The following RASAL2 variants were observed in gnomAD, a reference collection of about 807,000 sequenced individuals.
RASAL2 encodes RAS protein activator like 2, also known as ras GTPase-activating protein nGAP.
A neutral mutation model predicts 128.9 loss-of-function variants in RASAL2; 58 were observed. That is an observed-to-expected ratio of 0.45 (90% CI 0.36 to 0.56). The LOEUF (loss-of-function observed/expected upper bound fraction) is 0.56. RASAL2 is among the 20% of genes least tolerant of loss of function. The pLI is 0.00. For synonymous variants in RASAL2, 561 were observed against 580.8 expected (o/e 0.97, Z 0.49); for missense variants, 1,360 against 1,601.6 (o/e 0.85, Z 2.57).
chr1:178,159,297 T>C (rs1376682711), intron 1 of RASAL2, among the ~76,000 whole-genome samples: 1 of 152,156 alleles, frequency 6.6e-6, no homozygotes, highest in Non-Finnish European at 1.5e-5. Context: ...GCGAATGAGG[T>C]GATAACACCG....
chr1:178,303,349 G>A (rs574106798), intron 3 of RASAL2, among the ~76,000 whole-genome samples: 2 of 151,900 alleles, frequency 1.3e-5, no homozygotes, highest in Non-Finnish European at 2.9e-5. Flanking sequence ...GATAAAGAAA[G>A]ATTTCTTAAG....
At chr1:178,097,533 C>T (rs1372885405) in intron 1 of RASAL2, among the ~76,000 whole-genome samples, 2 of 152,126 alleles carry the variant, frequency 1.3e-5, no homozygotes, top group Non-Finnish European at 2.9e-5. Flanking sequence ...GGAATGTTTT[C>T]ACAAGATAGG....
chr1:178,412,378 G>A (rs1277970354), intron 4 of RASAL2, among the ~76,000 whole-genome samples: 1 of 152,190 alleles, frequency 6.6e-6, no homozygotes, highest in African/African-American at 2.4e-5. Flanking sequence ...GCTAGGTAAA[G>A]TCCAGCTACC....
intron 6 of RASAL2, among the ~76,000 whole-genome samples, chr1:178,440,024 T>G (rs536813199): frequency 7.2e-6 from 1 of 139,636 alleles, no homozygotes; most frequent in Admixed American, 7.2e-5. Flanking sequence ...TTCCAGGACA[T>G]TTTGACCTAA....
At chr1:178,400,446 C>T (rs61813848) in intron 4 of RASAL2, among the ~76,000 whole-genome samples, 1 of 152,088 alleles carries the variant, frequency 6.6e-6, no homozygotes, top group African/African-American at 2.4e-5. Context: ...TGTCCTTCCA[C>T]GGGAGTGTAC....
At chr1:178,248,371 A>C (rs774879584) in intron 1 of RASAL2, among the ~76,000 whole-genome samples, 2 of 152,044 alleles carry the variant, frequency 1.3e-5, no homozygotes, top group Non-Finnish European at 2.9e-5. Context: ...AGTCTGTTTT[A>C]TCAGGGACTA....
chr1:178,431,247 T>G (rs1675877891), intron 5 of RASAL2, among the ~76,000 whole-genome samples: 1 of 152,108 alleles, frequency 6.6e-6, no homozygotes, highest in Non-Finnish European at 1.5e-5. Flanking sequence ...TACATATCAG[T>G]TAATTTTAAC....
intron 9 of RASAL2, among the ~76,000 whole-genome samples, chr1:178,450,167 T>C (rs1677276484): frequency 6.6e-6 from 1 of 152,174 alleles, no homozygotes; most frequent in Non-Finnish European, 1.5e-5. Context: ...TATTCAAAAG[T>C]TGCATGATTT....
At chr1:178,463,808 A>G (rs985316940) in intron 14 of RASAL2, among the ~76,000 whole-genome samples, 1 of 152,180 alleles carries the variant, frequency 6.6e-6, no homozygotes, top group Non-Finnish European at 1.5e-5. Context: ...GAGTTTGTTT[A>G]GCACTAATCA....
chr1:178,388,431 A>C (rs1409110550), intron 3 of RASAL2, among the ~76,000 whole-genome samples: 1 of 152,230 alleles, frequency 6.6e-6, no homozygotes, highest in African/African-American at 2.4e-5. Flanking sequence ...ACAGCTTTGC[A>C]CATTAAGGCT....
chr1:178,258,293 C>CA (rs993642772), intron 1 of RASAL2, among the ~76,000 whole-genome samples: 9,540 of 69,080 alleles, frequency 0.14, 655 homozygotes, highest in African/African-American at 0.28. Context: ...GACTGCATCT[C>CA]AAAAAAAAAA....
At chr1:178,432,787 C>A (rs1384944418) in intron 5 of RASAL2, among the ~76,000 whole-genome samples, 1 of 152,076 alleles carries the variant, frequency 6.6e-6, no homozygotes, top group Non-Finnish European at 1.5e-5. Flanking sequence ...TACTTCTTCC[C>A]CATATCTGTT....
At chr1:178,403,284 A>G (rs1673768629) in intron 4 of RASAL2, among the ~76,000 whole-genome samples, 1 of 152,142 alleles carries the variant, frequency 6.6e-6, no homozygotes, top group Non-Finnish European at 1.5e-5. Context: ...TTATTTCCGT[A>G]CTTTCTTGAG....
At chr1:178,195,857 TATAATC>T (rs1662642657) in intron 1 of RASAL2, among the ~76,000 whole-genome samples, 2 of 152,234 alleles carry the variant, frequency 1.3e-5, no homozygotes, top group South Asian at 2.1e-4. Flanking sequence ...AGGCTGTTAT[TATAATC>T]ATAAAAGGAT....
intron 4 of RASAL2, among the ~76,000 whole-genome samples, chr1:178,402,852 G>A (rs111573584): frequency 5.3e-5 from 8 of 151,814 alleles, no homozygotes; most frequent in Admixed American, 2.0e-4. Flanking sequence ...CATCTAGTCC[G>A]TCTCCCCTGA....
chr1:178,298,875 T>C lies in RASAL2; in HGVS notation c.331-1117T>C, dbSNP rs183230675. 1.1e-3 allele frequency among the ~76,000 whole-genome samples: 166 copies of C among 151,638 alleles called. 1 individual carries two copies. Among genetic ancestry groups the C allele is most frequent in the African/African-American group, 3.7e-3 (155 of 41,344 alleles). On this transcript the variant is annotated intron_variant, in intron 2 of 17. Transcript: ENST00000367649. ...AATTCTTAATTCTGATAAAAGCTAC[T>C]AGTAAAATCTCATTACTGAATACTT...
At chr1:178,214,008 A>G (rs567277243) in intron 1 of RASAL2, among the ~76,000 whole-genome samples, 33 of 152,176 alleles carry the variant, frequency 2.2e-4, no homozygotes, top group Admixed American at 8.5e-4. Flanking sequence ...GAGACTCCCA[A>G]AGGATTGATA....
intron 4 of RASAL2, among the ~76,000 whole-genome samples, chr1:178,414,569 A>T (rs1243151863): frequency 1.3e-5 from 2 of 152,110 alleles, no homozygotes; most frequent in South Asian, 4.2e-4. Context: ...GGGGAGGAAC[A>T]TTGGAAATCT....
chr1:178,445,329 T>C (rs1676925881), intron 8 of RASAL2, among the ~76,000 whole-genome samples, 189 bp from the exon 9 acceptor site: 1 of 152,164 alleles, frequency 6.6e-6, no homozygotes, highest in African/African-American at 2.4e-5. Flanking sequence ...GGAAAATCTT[T>C]GAGGGAATTT....
Sources: allele counts gnomAD v4.1 joint callset (sites outside exome capture counted in the v4.1 genomes callset), GRCh38; gene constraint gnomAD v4.1.1; transcripts MANE v1.5; gene names NCBI Gene and HGNC (gene_info 2026-07-23, HGNC 2026-07-21).